Variants in MSRA observed in about 807,000 individuals in gnomAD.
MSRA encodes methionine sulfoxide reductase A.
Under a neutral mutation model 31.3 loss-of-function variants are expected in MSRA, and 54 were observed. The observed-to-expected ratio is 1.73, with a 90% CI of 1.39 to 2.17. The LOEUF is 2.17. Ranked by LOEUF, MSRA falls within the 30% of genes most tolerant of loss-of-function variation. The pLI is 0.00. For missense variants in MSRA, 507 were observed against 300.9 expected, an observed-to-expected ratio of 1.69 and a Z score of -5.07; for synonymous variants, 169 against 116.5, an observed-to-expected ratio of 1.45 and a Z score of -2.90.
intron 2 of MSRA, among the ~76,000 whole-genome samples, chr8:10,216,423 A>C (rs898698983): frequency 6.7e-6 from 1 of 148,396 alleles, no homozygotes; most frequent in African/African-American, 2.5e-5. Flanking sequence ...TAACAGATAC[A>C]TAATATGAAA....
intron 5 of MSRA, among the ~76,000 whole-genome samples, chr8:10,421,367 CTG>C (rs1443284444): frequency 6.6e-6 from 1 of 152,196 alleles, no homozygotes; most frequent in Non-Finnish European, 1.5e-5. Flanking sequence ...TTTGGAAACA[CTG>C]TTGTTCTGGA....
At chr8:10,191,708 T>C (rs1034112401) in intron 1 of MSRA, among the ~76,000 whole-genome samples, 3 of 152,024 alleles carry the variant, frequency 2.0e-5, no homozygotes, top group Non-Finnish European at 2.9e-5. Context: ...TGTAAATCAG[T>C]TAGACTGGAA....
At chr8:10,311,950 G>C (rs1343661088) in intron 4 of MSRA, among the ~76,000 whole-genome samples, 1 of 152,144 alleles carries the variant, frequency 6.6e-6, no homozygotes, top group Non-Finnish European at 1.5e-5. Context: ...AGTTATCAAA[G>C]ATAAATCATG....
At chr8:10,084,717 G>A (rs751542186) in intron 1 of MSRA, among the ~76,000 whole-genome samples, 8 of 152,196 alleles carry the variant, frequency 5.3e-5, no homozygotes, top group Non-Finnish European at 1.0e-4. Flanking sequence ...AAGGAGAAGC[G>A]TTTAGAACAC....
At chr8:10,139,728 G>A (rs535431265) in intron 1 of MSRA, among the ~76,000 whole-genome samples, 53 of 152,284 alleles carry the variant, frequency 3.5e-4, no homozygotes, top group African/African-American at 1.2e-3. Flanking sequence ...CTGTATGTAT[G>A]TATATGTATA....
At chr8:10,303,974 T>G (rs529929824) in intron 4 of MSRA, among the ~76,000 whole-genome samples, 10 of 152,360 alleles carry the variant, frequency 6.6e-5, no homozygotes, top group African/African-American at 2.4e-4. Context: ...CTTAATCCTT[T>G]GCTCAAGCTG....
At chr8:10,329,421 G>C (rs1049726739) in intron 5 of MSRA, among the ~76,000 whole-genome samples, 9 of 152,160 alleles carry the variant, frequency 5.9e-5, no homozygotes, top group Middle Eastern at 3.4e-3. Context: ...TCCTCTTCTG[G>C]GCATCTGATC....
chr8:10,175,838 G>A (rs1905632), intron 1 of MSRA, among the ~76,000 whole-genome samples: 81,109 of 151,940 alleles, frequency 0.53, 23,159 homozygotes, highest in African/African-American at 0.76. Context: ...AACTCTATTC[G>A]CCGTTTTTAA....
chr8:10,301,605 A>G lies in MSRA; in HGVS notation c.403A>G (p.Lys135Glu). 2 of 1,614,168 alleles carry G rather than the reference A, an allele frequency of 1.2e-6. No individual in the cohort carries two copies. The highest frequency in any genetic ancestry group is 1.1e-5 in the South Asian group (1 of 91,082). Residue 135 changes from lysine (K) to glutamate (E), a missense_variant, in exon 4 of 6, where the codon AAG (lysine) becomes GAG (glutamate). Transcript: ENST00000317173. ...PEHMSFEELL[K>E]VFWENHDPTQ... ...ACACATGAGTTTTGAGGAACTGCTC[A>G]AGGTCTTCTGGGAGAATCACGACCC...
At chr8:10,198,772 C>T (rs1482761398) in intron 1 of MSRA, among the ~76,000 whole-genome samples, 1 of 152,182 alleles carries the variant, frequency 6.6e-6, no homozygotes, top group African/African-American at 2.4e-5. Context: ...CACAGGTGCA[C>T]ACCACCATGC....
chr8:10,080,552 G>C (rs1040229315), intron 1 of MSRA, among the ~76,000 whole-genome samples: 2 of 151,978 alleles, frequency 1.3e-5, no homozygotes, highest in Non-Finnish European at 2.9e-5. Context: ...TTTAGAGAAG[G>C]TCTCACTCTG....
intron 5 of MSRA, among the ~76,000 whole-genome samples, chr8:10,406,871 T>A (rs1479393931): frequency 1.3e-5 from 2 of 152,200 alleles, no homozygotes; most frequent in East Asian, 3.9e-4. Context: ...TTCTCTTTTT[T>A]GAAACAGGCC....
chr8:10,375,001 G>C (rs144533503), intron 5 of MSRA, among the ~76,000 whole-genome samples: 5 of 152,264 alleles, frequency 3.3e-5, no homozygotes, highest in African/African-American at 1.2e-4. Flanking sequence ...TTTACCTTCT[G>C]CCATGATTGT....
chr8:10,424,598 G>A (rs1326837000), intron 5 of MSRA, among the ~76,000 whole-genome samples: 2 of 151,782 alleles, frequency 1.3e-5, no homozygotes, highest in African/African-American at 2.4e-5. Context: ...GAGAGGGACA[G>A]GGAGAAGGGG....
intron 3 of MSRA, among the ~76,000 whole-genome samples, chr8:10,245,927 A>G (rs2129083060): frequency 6.6e-6 from 1 of 152,360 alleles, no homozygotes. Flanking sequence ...AATCTACCGC[A>G]TGAGACAGAC....
intron 4 of MSRA, among the ~76,000 whole-genome samples, chr8:10,313,474 A>C (rs542931331): frequency 1.6e-4 from 24 of 152,248 alleles, no homozygotes; most frequent in Non-Finnish European, 2.5e-4. Flanking sequence ...ATCTAAAAAA[A>C]AAAAAACAAA....
intron 5 of MSRA, among the ~76,000 whole-genome samples, chr8:10,324,673 A>C (rs1802259964): frequency 6.6e-6 from 1 of 152,192 alleles, no homozygotes; most frequent in Non-Finnish European, 1.5e-5. Context: ...CAGAAAGCAG[A>C]GCCCAAGCCA....
intron 2 of MSRA, among the ~76,000 whole-genome samples, chr8:10,240,332 T>A (rs1812300309): frequency 6.6e-6 from 1 of 152,134 alleles, no homozygotes; most frequent in African/African-American, 2.4e-5. Flanking sequence ...GGTGAGCGGG[T>A]GTGCATGCTG....
At chr8:10,257,554 G>A (rs1356982745) in intron 3 of MSRA, among the ~76,000 whole-genome samples, 2 of 152,064 alleles carry the variant, frequency 1.3e-5, no homozygotes, top group Admixed American at 6.6e-5. Flanking sequence ...TTATAGGCAC[G>A]CACCACCGCG....
Sources: allele counts gnomAD v4.1 joint callset (sites outside exome capture counted in the v4.1 genomes callset), GRCh38; gene constraint gnomAD v4.1.1; transcripts MANE v1.5; gene names NCBI Gene and HGNC (gene_info 2026-07-23, HGNC 2026-07-21).